Variants in FNDC3A observed in about 807,000 individuals in gnomAD.
FNDC3A encodes the protein fibronectin type-III domain-containing protein 3A.
In FNDC3A, 32 loss-of-function variants were observed where a neutral mutation model predicts 148.9. That is an observed-to-expected ratio of 0.21 (90% CI 0.16 to 0.29). The LOEUF (loss-of-function observed/expected upper bound fraction) is 0.29, where lower values mean the gene tolerates loss of function less well. FNDC3A is among the 10% of genes least tolerant of loss of function. The probability of loss-of-function intolerance (pLI) is 1.00; values close to 1 mark genes in which losing one functional copy is unlikely to be tolerated. For synonymous variants in FNDC3A, 472 were observed against 473.6 expected, an observed-to-expected ratio of 1.00 and a Z score of 0.04; for missense variants, 1,191 against 1,452.8, an observed-to-expected ratio of 0.82 and a Z score of 2.93.
At chr13:49,139,023 CA>C (rs1882543054) in intron 7 of FNDC3A, among the ~76,000 whole-genome samples, 1 of 152,044 alleles carries the variant, frequency 6.6e-6, no homozygotes, top group Admixed American at 6.6e-5. Context: ...ATTCATTCAT[CA>C]AATATTTATT....
intron 4 of FNDC3A, among the ~76,000 whole-genome samples, chr13:49,122,214 G>A (rs531980146): frequency 2.7e-4 from 41 of 152,156 alleles, no homozygotes; most frequent in South Asian, 1.0e-3. Context: ...ATCAATAAAC[G>A]TAATCTATCA....
chr13:49,091,366 G>A (rs1039979201), intron 3 of FNDC3A, among the ~76,000 whole-genome samples: 9 of 151,850 alleles, frequency 5.9e-5, no homozygotes, highest in African/African-American at 2.2e-4. Context: ...ACAACTCCTG[G>A]GGCTGTGAAA....
chr13:49,197,319 A>G (rs1347165617), intron 20 of FNDC3A, among the ~76,000 whole-genome samples: 1 of 152,110 alleles, frequency 6.6e-6, no homozygotes, highest in African/African-American at 2.4e-5. Context: ...TCTTATATTT[A>G]TCCAGTACAC....
In FNDC3A at chr13:49,006,216, A is replaced by G; in HGVS notation, c.26A>G (p.Asp9Gly). 6.2e-7 allele frequency: 1 copy of G among 1,607,908 alleles called. No homozygotes were observed. Among genetic ancestry groups the G allele is most frequent in the Non-Finnish European group, 8.5e-7 (1 of 1,175,178 alleles). Residue 9 changes from aspartate to glycine, a missense_variant, in exon 2 of 26, where the codon GAT (aspartate) becomes GGT (glycine). By Grantham distance (94) the Asp-to-Gly change is moderately conservative. Transcript: ENST00000492622. ...ATGGCAGAACATCCACCACTACTGG[A>G]TACAACTCAGATCTTAAGTAGTGAT... is the stretch of plus-strand genomic sequence containing the variant. MAEHPPLL[D>G]TTQILSSDIS...
intron 2 of FNDC3A, among the ~76,000 whole-genome samples, chr13:49,064,411 C>CCCCCCAA (rs1555286179): frequency 8.9e-5 from 8 of 90,054 alleles, no homozygotes; most frequent in Admixed American, 2.5e-4. Flanking sequence ...GCCCCCCCCC[C>CCCCCCAA]AAAAAAAAAA....
At chr13:49,009,127 T>C (rs1304195626) in intron 2 of FNDC3A, among the ~76,000 whole-genome samples, 1 of 152,218 alleles carries the variant, frequency 6.6e-6, no homozygotes, top group Non-Finnish European at 1.5e-5. Context: ...CTTCACCTTT[T>C]CATTCTTCCT....
At chr13:49,148,959 G>A (rs1203163471) in intron 8 of FNDC3A, among the ~76,000 whole-genome samples, 1 of 151,816 alleles carries the variant, frequency 6.6e-6, no homozygotes. Context: ...TTTTTCTTTT[G>A]TAGCTATTGT....
intron 1 of FNDC3A, among the ~76,000 whole-genome samples, chr13:48,985,119 A>G (rs1303545295): frequency 1.3e-5 from 2 of 152,226 alleles, no homozygotes; most frequent in Non-Finnish European, 1.5e-5. Context: ...AAGGCAAGCA[A>G]TAGACTGGGA....
intron 25 of FNDC3A, among the ~76,000 whole-genome samples, chr13:49,206,277 G>T (rs542226165): frequency 3.0e-4 from 45 of 152,268 alleles, no homozygotes; most frequent in Admixed American, 3.3e-4. Flanking sequence ...ATCACATCTG[G>T]AGTGTGAAGT....
At chr13:49,199,779 A>G (rs1886340738) in intron 23 of FNDC3A, among the ~76,000 whole-genome samples, 1 of 152,154 alleles carries the variant, frequency 6.6e-6, no homozygotes, top group Non-Finnish European at 1.5e-5. Context: ...TCTCAGTTAG[A>G]TTCTGTGATT....
rs896250238 is a variant in FNDC3A at position 49,209,529 on chromosome 13, A to G, written c.*2134A>G. Reference sequence around the variant, plus strand: ...AATGAAAAAAATCTCATAAAAATACATAAACTATGTAGCAAAAGTATCTGT... The same window carrying G: ...AATGAAAAAAATCTCATAAAAATACGTAAACTATGTAGCAAAAGTATCTGT... On this transcript the variant is annotated 3_prime_UTR_variant, in exon 26 of 26. Transcript: ENST00000492622. 2.0e-5 allele frequency: 3 copies of G among 152,676 alleles called. No individual in the cohort carries two copies. Among genetic ancestry groups the G allele is most frequent in the Non-Finnish European group, 4.4e-5 (3 of 68,036 alleles). 9.5% of individuals were successfully genotyped at this position (152,676 alleles called of 1,614,324 possible). A position where few individuals can be genotyped will look rare whatever the true frequency, so the allele number is the denominator to read the frequency against.
chr13:49,143,725 C>G (rs1882818113), intron 7 of FNDC3A, among the ~76,000 whole-genome samples: 1 of 152,102 alleles, frequency 6.6e-6, no homozygotes, highest in African/African-American at 2.4e-5. Context: ...TTGATGAGGC[C>G]TAGAACCCTA....
At chr13:49,138,951 G>T (rs1283112505) in intron 7 of FNDC3A, 146 bp downstream of exon 7, 4 of 452,852 alleles carry the variant, frequency 8.8e-6, no homozygotes, top group African/African-American at 2.0e-5. Context: ...ACTCACTATG[G>T]TATGCTTTAG....
intron 8 of FNDC3A, among the ~76,000 whole-genome samples, chr13:49,159,336 A>G (rs527428047): frequency 1.4e-3 from 212 of 152,264 alleles, no homozygotes; most frequent in African/African-American, 4.9e-3. Context: ...GGTCCTTCAC[A>G]TCCCTTGTAA....
chr13:49,102,722 C>T (rs1178007020), intron 3 of FNDC3A, among the ~76,000 whole-genome samples: 3 of 152,154 alleles, frequency 2.0e-5, no homozygotes, highest in African/African-American at 7.2e-5. Context: ...TAGGAATAAA[C>T]ACAGAGGATG....
Position 49,136,492 on chromosome 13 carries a change from A to G in FNDC3A, c.651A>G (p.Glu217=), listed in dbSNP as rs1394764198. 2.5e-6 allele frequency: 4 copies of G among 1,613,756 alleles called. No homozygotes were observed. Among genetic ancestry groups the G allele is most frequent in the Admixed American group, 1.7e-5 (1 of 59,998 alleles). Residue 217 remains glutamate, a synonymous_variant, in exon 6 of 26, where the codon GAA becomes GAG. Transcript: ENST00000492622. ...SPQKCPSPIN[E]HNGLIKGQIA... ...AGAAATGCCCTTCTCCCATTAATGA[A>G]CATAATGGACTTATAAAAGGACAAA...
intron 5 of FNDC3A, among the ~76,000 whole-genome samples, chr13:49,135,860 A>C (rs1167630732): frequency 1.3e-5 from 2 of 152,138 alleles, no homozygotes; most frequent in Non-Finnish European, 2.9e-5. Context: ...CTTTTGGCTA[A>C]CTTTTTTTCA....
intron 25 of FNDC3A, among the ~76,000 whole-genome samples, chr13:49,204,420 T>A (rs1886556248): frequency 6.6e-6 from 1 of 152,226 alleles, no homozygotes; most frequent in South Asian, 2.1e-4. Flanking sequence ...GATCCTTCAT[T>A]TGTTTTATTC....
chr13:49,102,387 A>G (rs1228300942), intron 3 of FNDC3A, among the ~76,000 whole-genome samples: 1 of 152,178 alleles, frequency 6.6e-6, no homozygotes. Context: ...AGATAAATAT[A>G]GGTACATTTT....
Sources: gnomAD v4.1 joint callset for allele counts (sites outside exome capture counted in the v4.1 genomes callset) on GRCh38, gnomAD v4.1.1 for gene constraint, MANE v1.5 for transcripts, NCBI Gene and HGNC (gene_info 2026-07-23, HGNC 2026-07-21) for gene names.